Variants in RNF13 observed in about 807,000 individuals in gnomAD.
RNF13 encodes the protein E3 ubiquitin-protein ligase RNF13.
Under a neutral mutation model 37.7 loss-of-function variants are expected in RNF13, and 19 were observed. The ratio of observed to expected loss-of-function variants is 0.50; its 90% CI spans 0.35 to 0.74. RNF13 has a LOEUF of 0.74. Ranked by LOEUF, RNF13 falls within the 30% of genes least tolerant of loss-of-function variation. RNF13 has a pLI of 0.01. For missense variants in RNF13, 375 were observed against 453.0 expected (o/e 0.83, Z 1.56); for synonymous variants, 144 against 157.8 (o/e 0.91, Z 0.65).
chr3:149,883,434 T>C (rs1430302753), intron 4 of RNF13, among the ~76,000 whole-genome samples: 1 of 152,186 alleles, frequency 6.6e-6, no homozygotes, highest in Non-Finnish European at 1.5e-5. Flanking sequence ...TGTGTATGTG[T>C]GTGTGTATGT....
chr3:149,866,334 T>C (rs1378207684), intron 3 of RNF13, among the ~76,000 whole-genome samples: 1 of 152,202 alleles, frequency 6.6e-6, no homozygotes, highest in Non-Finnish European at 1.5e-5. Flanking sequence ...AGGGGTAGAT[T>C]ATTTATGCCT....
rs191979380 is a variant in RNF13, at chr3:149,818,358, A to G, written c.-17+5005A>G. 3.3e-5 allele frequency among the ~76,000 whole-genome samples: 5 copies of G among 152,326 alleles called. No individual in the cohort carries two copies. The East Asian group carries it at 9.6e-4, about 29-fold the overall frequency. ...ATTTAAGCAGATGGTAATAATGAAT[A>G]CTATACCAGATTGTAACTAATTTTG... On this transcript the variant is annotated intron_variant, in intron 1 of 9. Transcript: ENST00000392894.
At chr3:149,957,676 A>T (rs769541765) in intron 8 of RNF13, among the ~76,000 whole-genome samples, 9 of 152,204 alleles carry the variant, frequency 5.9e-5, no homozygotes, top group Non-Finnish European at 1.3e-4. Flanking sequence ...TTTACTAGGT[A>T]AAAATTGGTT....
intron 6 of RNF13, 93 bp downstream of exon 6, chr3:149,902,255 A>G: frequency 1.6e-6 from 1 of 622,080 alleles, no homozygotes. Flanking sequence ...TATGTTTCAG[A>G]ATGAACTCTG....
chr3:149,892,943 G>T (rs1159361626), intron 4 of RNF13, among the ~76,000 whole-genome samples: 1 of 152,196 alleles, frequency 6.6e-6, no homozygotes, highest in Non-Finnish European at 1.5e-5. Context: ...GGTACATGTG[G>T]CATAGGGGTA....
chr3:149,835,303 T>G (rs1302221636), intron 1 of RNF13, among the ~76,000 whole-genome samples: 1 of 152,142 alleles, frequency 6.6e-6, no homozygotes, highest in Non-Finnish European at 1.5e-5. Flanking sequence ...TTTAAAAAAT[T>G]TTTTTATTTC....
chr3:149,858,884 T>G (rs1016006742), intron 3 of RNF13, among the ~76,000 whole-genome samples: 1 of 152,254 alleles, frequency 6.6e-6, no homozygotes, highest in Admixed American at 6.5e-5. Flanking sequence ...TTCAAAATTC[T>G]TATTACAGGA....
chr3:149,959,324 A>C (rs1722162344), intron 8 of RNF13, among the ~76,000 whole-genome samples: 1 of 152,260 alleles, frequency 6.6e-6, no homozygotes, highest in African/African-American at 2.4e-5. Context: ...ACAAACAAAC[A>C]AACAAACAAA....
intron 8 of RNF13, among the ~76,000 whole-genome samples, chr3:149,940,788 C>T (rs1207032250): frequency 1.3e-5 from 2 of 152,074 alleles, no homozygotes; most frequent in Admixed American, 1.3e-4. Flanking sequence ...CAACCAATCT[C>T]TAGAATTTTT....
intron 8 of RNF13, chr3:149,938,878 C>G: frequency 3.1e-6 from 1 of 321,822 alleles, no homozygotes; most frequent in African/African-American, 2.2e-5. Context: ...CAACATTTAT[C>G]AAACACAGTA....
At chr3:149,868,905 T>G (rs1026132680) in intron 3 of RNF13, among the ~76,000 whole-genome samples, 3 of 151,762 alleles carry the variant, frequency 2.0e-5, no homozygotes, top group African/African-American at 4.8e-5. Context: ...TTTGGAAAGT[T>G]TTTTATTATT....
intron 8 of RNF13, among the ~76,000 whole-genome samples, chr3:149,942,326 A>G (rs1349124558): frequency 6.6e-6 from 1 of 152,164 alleles, no homozygotes; most frequent in Non-Finnish European, 1.5e-5. Flanking sequence ...CTTTCAATCT[A>G]TGAGCCTGGA....
chr3:149,938,984 AT>A, intron 8 of RNF13: 1 of 462,986 alleles, frequency 2.2e-6, no homozygotes, highest in Non-Finnish European at 4.1e-6. Context: ...TGTTTAAACT[AT>A]TTTCCTAAAG....
At chr3:149,958,391 C>G (rs945406446) in intron 8 of RNF13, among the ~76,000 whole-genome samples, 1 of 152,150 alleles carries the variant, frequency 6.6e-6, no homozygotes, top group Non-Finnish European at 1.5e-5. Flanking sequence ...CCAGTAGTTG[C>G]ATCTCCCTGA....
intron 3 of RNF13, among the ~76,000 whole-genome samples, chr3:149,865,436 T>A (rs114963532): frequency 0.012 from 1,893 of 151,604 alleles, 38 homozygotes; most frequent in African/African-American, 0.043. Flanking sequence ...CCTCAAAAGC[T>A]GTCTTGTTCA....
At chr3:149,959,282 TG>T (rs1310703256) in intron 8 of RNF13, among the ~76,000 whole-genome samples, 7 of 152,168 alleles carry the variant, frequency 4.6e-5, no homozygotes, top group Admixed American at 6.5e-5. Flanking sequence ...CACTCCAGCC[TG>T]GGCCAAAAGT....
intron 1 of RNF13, among the ~76,000 whole-genome samples, chr3:149,814,863 T>C (rs570507482): frequency 2.0e-5 from 3 of 152,230 alleles, no homozygotes; most frequent in Non-Finnish European, 4.4e-5. Flanking sequence ...TTTTTTTTTG[T>C]TTTGTTGGAA....
chr3:149,867,903 A>T (rs991795007), intron 3 of RNF13, among the ~76,000 whole-genome samples: 1 of 151,400 alleles, frequency 6.6e-6, no homozygotes, highest in Non-Finnish European at 1.5e-5. Context: ...AGTACTTTTT[A>T]ATTCGTTGCT....
rs578247347 is a variant in RNF13 at position 149,855,679 on chromosome 3, T to A, written c.195+3083T>A. Among the ~76,000 whole-genome samples the A allele has an allele frequency of 9.5e-3, 1,443 of 152,064 alleles. 10 individuals carry two copies. Among genetic ancestry groups the A allele is most frequent in the Middle Eastern group, 0.027 (8 of 294 alleles). ...TTGTTATTTCTCTAGGATAGAGGTC[T>A]GGAAGTAGAATTGATGAAACCAATG... On this transcript the variant is annotated intron_variant, in intron 3 of 9. Transcript: ENST00000392894.
Sources: gnomAD v4.1 joint callset for allele counts (sites outside exome capture counted in the v4.1 genomes callset) on GRCh38, gnomAD v4.1.1 for gene constraint, MANE v1.5 for transcripts, NCBI Gene and HGNC (gene_info 2026-07-23, HGNC 2026-07-21) for gene names.